The following FAM13A variants were observed in gnomAD, a reference collection of about 807,000 sequenced individuals.
FAM13A encodes family with sequence similarity 13 member A.
In FAM13A, 76 loss-of-function variants were observed where a neutral mutation model predicts 129.6. The ratio of observed to expected loss-of-function variants is 0.59; its 90% confidence interval spans 0.49 to 0.71. The LOEUF (loss-of-function observed/expected upper bound fraction) is 0.71. Ranked by LOEUF, FAM13A falls within the 30% of genes least tolerant of loss-of-function variation. The pLI is 0.00. For missense variants in FAM13A, 1,108 were observed against 1,249.3 expected (o/e 0.89, Z 1.70); for synonymous variants, 443 against 449.9 (o/e 0.98, Z 0.20).
At chr4:88,786,903 GAA>G (rs1724079352) in intron 10 of FAM13A, among the ~76,000 whole-genome samples, 1 of 151,832 alleles carries the variant, frequency 6.6e-6, no homozygotes, top group South Asian at 2.1e-4. Context: ...AGAAAAGAAA[GAA>G]AAAGAATGAG....
At chr4:88,744,240 T>A (rs181760848) in intron 19 of FAM13A, among the ~76,000 whole-genome samples, 28 of 152,286 alleles carry the variant, frequency 1.8e-4, no homozygotes, top group African/African-American at 6.5e-4. Context: ...TTCTCTCCCC[T>A]CTATGGTCAT....
intron 7 of FAM13A, among the ~76,000 whole-genome samples, chr4:88,829,765 C>A (rs188155772): frequency 2.6e-5 from 4 of 151,976 alleles, no homozygotes; most frequent in Non-Finnish European, 5.9e-5. Context: ...GGTAAAGCAG[C>A]AAGTATTTAT....
rs956538107 is a variant in FAM13A, at chr4:88,975,205, G to A, written c.605+15768C>T. On this transcript the variant is annotated intron_variant, in intron 4 of 23. Transcript: ENST00000264344. ...TTTCTTAAAGTCACAAAGCTGATTC[G>A]TAACAGAGGGCAGAGCAGAATCCTG... Among the ~76,000 whole-genome samples, 7 of 152,114 alleles carry A rather than the reference G, an allele frequency of 4.6e-5. No individual in the cohort carries two copies. In the East Asian group the frequency reaches 5.8e-4, roughly 13 times the overall value.
intron 23 of FAM13A, 193 bp from the exon 24 acceptor site, chr4:88,728,852 C>T: frequency 1.8e-6 from 1 of 544,822 alleles, no homozygotes; most frequent in Non-Finnish European, 3.2e-6. Context: ...ACCCAGAAGG[C>T]AACATGCAAC....
chr4:88,883,881 C>A (rs528448488), intron 6 of FAM13A, among the ~76,000 whole-genome samples: 1 of 152,088 alleles, frequency 6.6e-6, no homozygotes, highest in South Asian at 2.1e-4. Flanking sequence ...CTACGATAAA[C>A]ACGTTTACAC....
intron 3 of FAM13A, among the ~76,000 whole-genome samples, chr4:89,011,539 T>C (rs1765736018): frequency 6.6e-6 from 1 of 152,156 alleles, no homozygotes; most frequent in Non-Finnish European, 1.5e-5. Context: ...GCTTCTATTA[T>C]GTGAGATCTT....
At chr4:88,991,542 A>G (rs550933152) in intron 3 of FAM13A, among the ~76,000 whole-genome samples, 23 of 152,314 alleles carry the variant, frequency 1.5e-4, no homozygotes, top group African/African-American at 5.5e-4. Context: ...TTGTGTTTCA[A>G]TTTAATGTTT....
chr4:88,767,443 T>C (rs1745898589), intron 13 of FAM13A, 110 bp downstream of exon 13: 7 of 683,254 alleles, frequency 1.0e-5, no homozygotes, highest in African/African-American at 3.7e-5. Context: ...CAATCACAGT[T>C]ATATTACTTA....
chr4:88,963,903 T>A (rs993039104), intron 4 of FAM13A, among the ~76,000 whole-genome samples: 13 of 152,180 alleles, frequency 8.5e-5, no homozygotes, highest in African/African-American at 2.7e-4. Flanking sequence ...GGTGTGTCAC[T>A]GAAGAAATGA....
At chr4:88,926,585 A>C (rs540946265) in intron 5 of FAM13A, among the ~76,000 whole-genome samples, 1 of 152,304 alleles carries the variant, frequency 6.6e-6, no homozygotes, top group South Asian at 2.1e-4. Context: ...AATATCTGGC[A>C]ATGTGTTACA....
At chr4:88,926,862 C>T (rs898634148) in intron 5 of FAM13A, among the ~76,000 whole-genome samples, 2 of 152,166 alleles carry the variant, frequency 1.3e-5, no homozygotes, top group Non-Finnish European at 2.9e-5. Flanking sequence ...CAACCCTCTA[C>T]CATGCTATTA....
rs559602728 is a variant in FAM13A, at chr4:88,857,477, A to T, written c.844-6294T>A. Among the ~76,000 whole-genome samples, 7 of 152,130 alleles carry T rather than the reference A, an allele frequency of 4.6e-5. No individual in the cohort carries two copies. In the South Asian group the frequency reaches 1.5e-3, roughly 32 times the overall value. On this transcript the variant is annotated intron_variant, in intron 6 of 23. Transcript: ENST00000264344. ...ACCCTGTCAGTACTAAAAATAAAAA[A>T]AATTAGCCAGGCATGGTGGCGCATG...
In FAM13A at chr4:88,872,878, C is replaced by T. The variant is rs577201925; in HGVS notation, c.844-21695G>A. 7.9e-5 allele frequency among the ~76,000 whole-genome samples: 12 copies of T among 152,312 alleles called. No homozygotes were observed. The East Asian group carries it at 2.3e-3, about 29-fold the overall frequency. On this transcript the variant is annotated intron_variant, in intron 6 of 23. Coordinates refer to ENST00000264344, the MANE Select transcript of FAM13A (RefSeq NM_014883.4). ...ATCACACATATTCAAAAATTGACCA[C>T]ATAGTTGGAAGTAAAGCACTCCTCA...
At chr4:88,925,828 C>T (rs1447855191) in intron 5 of FAM13A, among the ~76,000 whole-genome samples, 2 of 151,860 alleles carry the variant, frequency 1.3e-5, no homozygotes, top group East Asian at 1.9e-4. Context: ...TTATCCAAGG[C>T]AGAATGTTCT....
At chr4:89,031,983 G>A (rs1768740464) in intron 1 of FAM13A, among the ~76,000 whole-genome samples, 2 of 152,256 alleles carry the variant, frequency 1.3e-5, no homozygotes, top group Non-Finnish European at 2.9e-5. Context: ...ACTTTGGGAG[G>A]CCGAGGTGGG....
intron 7 of FAM13A, chr4:88,823,012 T>C: frequency 1.2e-6 from 2 of 1,613,726 alleles, no homozygotes; most frequent in Non-Finnish European, 1.7e-6. Context: ...CATTCTCGTA[T>C]GTAAATTTGC....
intron 4 of FAM13A, among the ~76,000 whole-genome samples, chr4:88,939,389 C>T (rs897805421): frequency 6.6e-6 from 1 of 152,170 alleles, no homozygotes; most frequent in African/African-American, 2.4e-5. Context: ...CCCTCTACCC[C>T]ATTCTTATAA....
intron 19 of FAM13A, among the ~76,000 whole-genome samples, chr4:88,739,329 G>T (rs181335730): frequency 4.6e-5 from 7 of 152,142 alleles, no homozygotes; most frequent in Admixed American, 4.6e-4. Context: ...CAGATCAGTG[G>T]AAGTCACTCC....
At chr4:88,747,084 T>G (rs1741504894) in intron 18 of FAM13A, 69 bp from the exon 19 acceptor site, 5 of 1,059,794 alleles carry the variant, frequency 4.7e-6, no homozygotes, top group Non-Finnish European at 7.3e-6. Flanking sequence ...CTTCTTTACT[T>G]AAATTACTAA....
Sources: gnomAD v4.1 joint callset for allele counts (sites outside exome capture counted in the v4.1 genomes callset) on GRCh38, gnomAD v4.1.1 for gene constraint, MANE v1.5 for transcripts, NCBI Gene and HGNC (gene_info 2026-07-23, HGNC 2026-07-21) for gene names.